The following EPB41L2 variants were observed in gnomAD, a reference collection of about 807,000 sequenced individuals.
EPB41L2 encodes the protein erythrocyte membrane protein band 4.1 like 2, also known as band 4.1-like protein 2.
A neutral mutation model predicts 113.0 loss-of-function variants in EPB41L2; 43 were observed. The observed-to-expected ratio is 0.38, with a 90% CI of 0.30 to 0.49. The LOEUF (loss-of-function observed/expected upper bound fraction) is 0.49, where lower values mean the gene tolerates loss of function less well. EPB41L2 is among the 20% of genes least tolerant of loss of function. The probability of loss-of-function intolerance (pLI) is 0.95; values close to 1 mark genes in which losing one functional copy is unlikely to be tolerated. For synonymous variants in EPB41L2, 442 were observed against 436.7 expected (o/e 1.01, Z -0.15); for missense variants, 1,147 against 1,223.4 (o/e 0.94, Z 0.93).
intron 1 of EPB41L2, among the ~76,000 whole-genome samples, chr6:130,974,309 C>T (rs1469028259): frequency 6.6e-6 from 1 of 151,926 alleles, no homozygotes; most frequent in Non-Finnish European, 1.5e-5. Flanking sequence ...AGAAATTCTA[C>T]AACTTAGAGT....
At chr6:130,861,071 TTTTTAA>T (rs1163382045) in intron 18 of EPB41L2, among the ~76,000 whole-genome samples, 2 of 152,016 alleles carry the variant, frequency 1.3e-5, no homozygotes, top group Non-Finnish European at 2.9e-5. Context: ...GCCTTTTTTA[TTTTTAA>T]TTTTTTTAAT....
rs569284981 is a variant in EPB41L2, at chr6:130,875,723, G to T, written c.2043+2381C>A. ...AGAAAATTTTCTAATCACCAGCCGGGTGTGGTGGCTCACGCCTGTAATCCT... is the reference window on the plus strand; with the variant it reads ...AGAAAATTTTCTAATCACCAGCCGGTTGTGGTGGCTCACGCCTGTAATCCT... On this transcript the variant is annotated intron_variant, in intron 14 of 19. Coordinates refer to ENST00000337057, the MANE Select transcript of EPB41L2 (RefSeq NM_001431.4). Among the ~76,000 whole-genome samples the T allele has an allele frequency of 2.6e-5, 4 of 152,242 alleles. No homozygotes were observed. In the East Asian group the frequency reaches 5.8e-4, roughly 22 times the overall value.
intron 1 of EPB41L2, among the ~76,000 whole-genome samples, chr6:130,980,432 CAAAACCACAGAGA>C (rs894302917): frequency 3.3e-5 from 5 of 151,744 alleles, no homozygotes; most frequent in Non-Finnish European, 7.4e-5. Flanking sequence ...GGAAAAGGAT[CAAAACCACAGAGA>C]AGAGTTTAAC....
intron 3 of EPB41L2, among the ~76,000 whole-genome samples, chr6:130,934,719 A>T (rs1808154350): frequency 6.6e-6 from 1 of 151,726 alleles, no homozygotes; most frequent in Non-Finnish European, 1.5e-5. Flanking sequence ...GGGCTCAAGC[A>T]ATTCTCCCAC....
chr6:130,890,344 G>A lies in EPB41L2; in HGVS notation c.1610C>T (p.Pro537Leu), dbSNP rs756141110. The A allele has an allele frequency of 2.7e-5, 43 of 1,613,624 alleles. No individual in the cohort carries two copies. The highest frequency in any genetic ancestry group is 1.7e-6 in the Non-Finnish European group (2 of 1,179,808). ...QASTLIDRPA[P>L]HFERTSSKRV... ...TTTACTAGAAGTGCGCTCAAAGTGT[G>A]GTGCTGGCCTATCTATGAGGGTGCT... The change falls in exon 11 of 20, where the codon CCA becomes CTA. Residue 537 changes from proline (P) to leucine (L), a missense_variant. Transcript: ENST00000337057.
intron 11 of EPB41L2, among the ~76,000 whole-genome samples, chr6:130,888,394 C>T (rs3777441): frequency 0.42 from 63,089 of 152,018 alleles, 15,466 homozygotes; most frequent in Non-Finnish European, 0.52. Flanking sequence ...TTGTTGTTTT[C>T]ACTTGGAAAA....
intron 17 of EPB41L2, 89 bp downstream of exon 17, chr6:130,865,447 G>GA: frequency 7.8e-7 from 1 of 1,276,632 alleles, no homozygotes; most frequent in Non-Finnish European, 1.1e-6. Flanking sequence ...ATCTTACTTG[G>GA]AAGTGTGTAC....
chr6:130,842,168 C>T (rs1775720632), intron 19 of EPB41L2, among the ~76,000 whole-genome samples: 1 of 152,144 alleles, frequency 6.6e-6, no homozygotes, highest in Non-Finnish European at 1.5e-5. Flanking sequence ...AGATTTATCA[C>T]AGATAATATT....
intron 6 of EPB41L2, 114 bp from the exon 7 acceptor site, chr6:130,901,294 T>C: frequency 1.2e-6 from 1 of 823,888 alleles, no homozygotes; most frequent in Non-Finnish European, 1.9e-6. Flanking sequence ...ATATAGGCAC[T>C]CTTCATATAA....
At chr6:131,042,153 C>T (rs185156757) in intron 1 of EPB41L2, among the ~76,000 whole-genome samples, 4 of 152,244 alleles carry the variant, frequency 2.6e-5, no homozygotes, top group African/African-American at 9.6e-5. Context: ...TTTGCATACA[C>T]CTCCATTATA....
At position 130,956,368 on chromosome 6, in the gene EPB41L2, C is replaced by T. The variant is rs760097099; in HGVS notation, c.118G>A (p.Asp40Asn). 38 of 1,614,014 alleles carry T rather than the reference C, an allele frequency of 2.4e-5. No homozygotes were observed. The highest frequency in any genetic ancestry group is 3.0e-5 in the Non-Finnish European group (35 of 1,180,048). Residue 40 changes from aspartate to asparagine, a missense_variant, in exon 2 of 20, where the codon GAT (aspartate) becomes AAT (asparagine). Transcript: ENST00000337057. Reference protein sequence around the residue: ...VAENQQNQSSDPEEEKGSQPP... With the variant: ...VAENQQNQSSNPEEEKGSQPP... ...TGGGAACCTTTTTCCTCCTCTGGAT[C>T]GGAAGACTGATTCTGCTGATTTTCT...
At chr6:130,905,617 C>A (rs923802880) in intron 5 of EPB41L2, among the ~76,000 whole-genome samples, 2 of 152,020 alleles carry the variant, frequency 1.3e-5, no homozygotes, top group African/African-American at 2.4e-5. Flanking sequence ...GACGGGGTCT[C>A]CCTATGTTGC....
At chr6:130,939,543 G>GCGC (rs1296960412) in intron 3 of EPB41L2, among the ~76,000 whole-genome samples, 1 of 151,982 alleles carries the variant, frequency 6.6e-6, no homozygotes, top group African/African-American at 2.4e-5. Flanking sequence ...GTAAGACACC[G>GCGC]CGCCCGGCCC....
chr6:130,884,500 AGTGAT>A (rs1790306065), intron 12 of EPB41L2, among the ~76,000 whole-genome samples: 3 of 152,238 alleles, frequency 2.0e-5, no homozygotes, highest in African/African-American at 7.2e-5. Flanking sequence ...TCAATATTCA[AGTGAT>A]GTTACTGCCC....
At chr6:131,031,107 T>C (rs1033144116) in intron 1 of EPB41L2, among the ~76,000 whole-genome samples, 6 of 151,900 alleles carry the variant, frequency 3.9e-5, no homozygotes, top group Admixed American at 6.6e-5. Context: ...AAAAAGTTTA[T>C]AATGAATGGT....
chr6:130,863,727 C>A lies in EPB41L2; in HGVS notation c.2830-9G>T. On this transcript the variant is annotated splice_polypyrimidine_tract_variant and intron_variant, in intron 17 of 19. Coordinates refer to ENST00000337057, the MANE Select transcript of EPB41L2 (RefSeq NM_001431.4). Reference sequence around the variant, plus strand: ...ATTCCACCTTTTACAGTCTAAAGGTCATAAAGGAGAAGAAGAAAAAACAGC... The same window carrying A: ...ATTCCACCTTTTACAGTCTAAAGGTAATAAAGGAGAAGAAGAAAAAACAGC... 1 of 1,601,930 alleles carries A rather than the reference C, an allele frequency of 6.2e-7. No homozygotes were observed. Among genetic ancestry groups the A allele is most frequent in the South Asian group, 1.1e-5 (1 of 90,512 alleles).
intron 14 of EPB41L2, 138 bp from the exon 15 acceptor site, chr6:130,870,264 G>T: frequency 2.0e-6 from 3 of 1,538,384 alleles, no homozygotes; most frequent in Non-Finnish European, 2.6e-6. Flanking sequence ...AAAGGGAAGC[G>T]GGGCAAACGT....
chr6:131,002,810 A>C (rs565204138), intron 1 of EPB41L2, among the ~76,000 whole-genome samples: 1 of 152,330 alleles, frequency 6.6e-6, no homozygotes, highest in East Asian at 1.9e-4. Flanking sequence ...AAATTAACTA[A>C]ACAGCTGTGT....
chr6:130,936,662 C>T (rs1808904019), intron 3 of EPB41L2, among the ~76,000 whole-genome samples: 1 of 152,078 alleles, frequency 6.6e-6, no homozygotes, highest in South Asian at 2.1e-4. Context: ...TTTAAGAAAG[C>T]TGGTAAAATC....
Sources: allele counts gnomAD v4.1 joint callset (sites outside exome capture counted in the v4.1 genomes callset), GRCh38; gene constraint gnomAD v4.1.1; transcripts MANE v1.5; gene names NCBI Gene and HGNC (gene_info 2026-07-23, HGNC 2026-07-21).